The following UBR3 variants were observed in gnomAD, a reference collection of about 807,000 sequenced individuals.
UBR3 encodes ubiquitin protein ligase E3 component n-recognin 3, also known as E3 ubiquitin-protein ligase UBR3.
A neutral mutation model predicts 243.2 loss-of-function variants in UBR3; 85 were observed. The observed-to-expected ratio is 0.35, with a 90% confidence interval of 0.29 to 0.42. The LOEUF (loss-of-function observed/expected upper bound fraction) is 0.42, where lower values mean the gene tolerates loss of function less well. UBR3 is among the 10% of genes least tolerant of loss of function. The probability of loss-of-function intolerance (pLI) is 1.00; values close to 1 mark genes in which losing one functional copy is unlikely to be tolerated. For missense variants in UBR3, 1,686 were observed against 2,300.8 expected (o/e 0.73, Z 5.47); for synonymous variants, 748 against 799.8 (o/e 0.94, Z 1.09).
At chr2:169,833,245 C>T (rs1321486502) in intron 1 of UBR3, among the ~76,000 whole-genome samples, 1 of 152,160 alleles carries the variant, frequency 6.6e-6, no homozygotes, top group African/African-American at 2.4e-5. Flanking sequence ...GTCTGACTAG[C>T]TGGTTTTGGG....
chr2:169,915,922 T>A (rs1350202547), intron 11 of UBR3, among the ~76,000 whole-genome samples: 4 of 152,170 alleles, frequency 2.6e-5, no homozygotes, highest in Non-Finnish European at 4.4e-5. Context: ...CCCTTTAAGC[T>A]TAGTTTCTGC....
At chr2:170,007,250 A>G (rs1290641301) in intron 28 of UBR3, 60 bp downstream of exon 28, 5 of 1,508,668 alleles carry the variant, frequency 3.3e-6, no homozygotes, top group Non-Finnish European at 4.5e-6. Context: ...TTCTGCTTTC[A>G]TTTTAATTCA....
intron 8 of UBR3, 149 bp downstream of exon 8, chr2:169,896,884 G>C (rs1331934538): frequency 1.9e-6 from 1 of 533,628 alleles, no homozygotes; most frequent in African/African-American, 2.0e-5. Context: ...TGTATAACTA[G>C]TCTTGAAAAC....
chr2:170,005,954 G>C (rs555431135), intron 27 of UBR3, among the ~76,000 whole-genome samples: 10 of 152,170 alleles, frequency 6.6e-5, no homozygotes, highest in Admixed American at 1.3e-4. Flanking sequence ...GCCAGCACCA[G>C]AGGGTGCTGA....
At position 169,914,131 on chromosome 2, in the gene UBR3, T is replaced by C; in HGVS notation, c.1851T>C (p.Ile617=). 1 of 1,505,992 alleles carries C rather than the reference T, an allele frequency of 6.6e-7. No homozygotes were observed. The highest frequency in any genetic ancestry group is 8.9e-7 in the Non-Finnish European group (1 of 1,125,510). The allele number at this position is 1,505,992 out of a possible 1,614,324, so 93.3% of individuals were successfully genotyped here. The change falls in exon 11 of 39, where the codon ATT becomes ATC. Residue 617 remains isoleucine (I), a synonymous_variant. Coordinates refer to ENST00000272793, the MANE Select transcript of UBR3 (RefSeq NM_172070.4). ...CTCTTCAAGACTGGTTTGATGCTAT[T>C]AACTTCGTAGACGAGGTATGTATAT... The part of the protein sequence containing the change: ...LEALQDWFDA[I]NFVDEPAPNQ...
chr2:170,007,536 T>C (rs1295166989), intron 28 of UBR3, among the ~76,000 whole-genome samples: 1 of 152,108 alleles, frequency 6.6e-6, no homozygotes, highest in Non-Finnish European at 1.5e-5. Context: ...GGTGGACAGA[T>C]AACTTAAGGT....
intron 6 of UBR3, among the ~76,000 whole-genome samples, chr2:169,891,842 C>A (rs2084390197): frequency 6.6e-6 from 1 of 152,110 alleles, no homozygotes; most frequent in Non-Finnish European, 1.5e-5. Context: ...AAATTCATAT[C>A]CCAGAGCCTA....
At chr2:169,886,156 C>CAA (rs71006050) in intron 5 of UBR3, among the ~76,000 whole-genome samples, 4,031 of 111,990 alleles carry the variant, frequency 0.036, 90 homozygotes, top group Middle Eastern at 0.1. Flanking sequence ...GACTCCGTCT[C>CAA]AAAAAAAAAA....
intron 11 of UBR3, among the ~76,000 whole-genome samples, chr2:169,921,238 G>C (rs774361743): frequency 2.0e-5 from 3 of 152,132 alleles, no homozygotes; most frequent in Non-Finnish European, 2.9e-5. Context: ...GGAATATTAA[G>C]TATTGCTGTT....
Position 169,829,814 on chromosome 2 carries a change from TACACACACACACACACAC to T in UBR3, c.545+1785_545+1802del, listed in dbSNP as rs10530118. On this transcript the variant is annotated intron_variant, in intron 1 of 38. Transcript: ENST00000272793. ...ATAGGTAAAATATATAGCTAAAAAG[TACACACACACACACACAC>T]ACACACACACACACACACACACGGA... Among the ~76,000 whole-genome samples, 85 of 149,072 alleles carry T rather than the reference TACACACACACACACACAC, an allele frequency of 5.7e-4. No homozygotes were observed. In the East Asian group the frequency reaches 0.01, roughly 18 times the overall value.
chr2:170,083,344 A>C lies in UBR3; in HGVS notation c.*1501A>C, dbSNP rs544861210. On this transcript the variant is annotated 3_prime_UTR_variant, in exon 39 of 39. Coordinates refer to ENST00000272793, the MANE Select transcript of UBR3 (RefSeq NM_172070.4). ...AAGATTACCTATCGTTCTACAATAA[A>C]ATACATGGAAATAGCTTGCTATTTT... The C allele has an allele frequency of 1.3e-5, 2 of 152,612 alleles. No individual in the cohort carries two copies. Among genetic ancestry groups the C allele is most frequent in the Non-Finnish European group, 2.9e-5 (2 of 68,010 alleles). 9.5% of individuals were successfully genotyped at this position (152,612 alleles called of 1,614,324 possible).
chr2:170,080,030 A>C lies in UBR3; in HGVS notation c.5409+7A>C. On this transcript the variant is annotated splice_region_variant and intron_variant, in intron 37 of 38. Transcript: ENST00000272793. ...TTACTGTGAATGTGTACTGGTAAGC[A>C]ATAGTAGATAATACAAAATTTATGA... is the stretch of plus-strand genomic sequence containing the variant. The C allele has an allele frequency of 6.3e-7, 1 of 1,599,900 alleles. No individual in the cohort carries two copies.
chr2:169,933,200 T>G (rs1005635327), intron 19 of UBR3, among the ~76,000 whole-genome samples, 192 bp downstream of exon 19: 1 of 152,242 alleles, frequency 6.6e-6, no homozygotes, highest in African/African-American at 2.4e-5. Flanking sequence ...AATTTGATGT[T>G]AATCTGATAA....
intron 24 of UBR3, among the ~76,000 whole-genome samples, chr2:169,959,124 A>G (rs999780796): frequency 5.9e-5 from 9 of 152,116 alleles, no homozygotes; most frequent in Admixed American, 2.6e-4. Context: ...TGATTTTTAG[A>G]AAAAATTGTG....
chr2:169,974,280 G>T (rs2088318362), intron 24 of UBR3, among the ~76,000 whole-genome samples: 1 of 152,182 alleles, frequency 6.6e-6, no homozygotes, highest in Admixed American at 6.5e-5. Flanking sequence ...ATTTAGCAGT[G>T]AAGTCATGTG....
rs1454915352 is a variant in UBR3, at chr2:169,994,475, A to G, written c.3918+19A>G. 1.9e-6 allele frequency: 3 copies of G among 1,594,754 alleles called. No homozygotes were observed. The highest frequency in any genetic ancestry group is 3.3e-5 in the Admixed American group (2 of 59,798). On this transcript the variant is annotated intron_variant, in intron 26 of 38. Transcript: ENST00000272793. ...TAAGGATGTAAGTACTCTTTATAAA[A>G]TAGTACTTTTGTCTGCCAAGTTGAT...
intron 24 of UBR3, among the ~76,000 whole-genome samples, chr2:169,970,458 A>C (rs374785789): frequency 2.0e-5 from 2 of 101,832 alleles, no homozygotes; most frequent in East Asian, 3.1e-4. Flanking sequence ...ATATCTCCCA[A>C]TGCTATCCCT....
intron 25 of UBR3, among the ~76,000 whole-genome samples, chr2:169,988,729 G>A (rs1352310650): frequency 6.6e-6 from 1 of 152,144 alleles, no homozygotes; most frequent in Non-Finnish European, 1.5e-5. Context: ...CTGAGCCCAA[G>A]AGGTCGAGGT....
At chr2:170,058,796 G>T (rs150028401) in intron 33 of UBR3, among the ~76,000 whole-genome samples, 1 of 152,114 alleles carries the variant, frequency 6.6e-6, no homozygotes, top group South Asian at 2.1e-4. Context: ...GATTACAGGC[G>T]TGAGCCACCA....
Sources: gnomAD v4.1 joint callset for allele counts (sites outside exome capture counted in the v4.1 genomes callset) on GRCh38, gnomAD v4.1.1 for gene constraint, MANE v1.5 for transcripts, NCBI Gene and HGNC (gene_info 2026-07-23, HGNC 2026-07-21) for gene names.